Variants in NXPE2 observed in about 807,000 individuals in gnomAD.
NXPE2 encodes the protein neurexophilin and PC-esterase domain family member 2.
In NXPE2, 34 loss-of-function variants were observed where a neutral mutation model predicts 34.4. That is an observed-to-expected ratio of 0.99 (90% CI 0.75 to 1.31). The LOEUF (loss-of-function observed/expected upper bound fraction) is 1.31, where lower values mean the gene tolerates loss of function less well. Ranked by LOEUF, NXPE2 falls within the 40% of genes most tolerant of loss-of-function variation. The probability of loss-of-function intolerance (pLI) is 0.00; values close to 1 mark genes in which losing one functional copy is unlikely to be tolerated. For missense variants in NXPE2, 649 were observed against 672.5 expected (o/e 0.97, Z 0.39); for synonymous variants, 235 against 231.3 (o/e 1.02, Z -0.15).
At chr11:114,476,724 A>G in the NXPE2 span, among the ~76,000 whole-genome samples, 1 of 152,142 alleles carries the variant, frequency 6.6e-6, no homozygotes, top group Admixed American at 6.6e-5. Flanking sequence ...TGAGAACAGC[A>G]TGGAGGAAAC....
the NXPE2 span, among the ~76,000 whole-genome samples, chr11:114,661,995 G>A: frequency 6.6e-6 from 1 of 152,064 alleles, no homozygotes; most frequent in East Asian, 1.9e-4. Flanking sequence ...CAGAATAGAA[G>A]GCTCCACCAA....
At chr11:114,716,590 T>A in the NXPE2 span, among the ~76,000 whole-genome samples, 1 of 152,104 alleles carries the variant, frequency 6.6e-6, no homozygotes, top group African/African-American at 2.4e-5. Context: ...GGTCAGTGTA[T>A]ATGGAGAGGG....
the NXPE2 span, among the ~76,000 whole-genome samples, chr11:114,799,880 TCTTC>T: frequency 6.6e-6 from 1 of 151,640 alleles, no homozygotes; most frequent in Non-Finnish European, 1.5e-5. Context: ...TCCCTCCCTT[TCTTC>T]CTTTTCTCTT....
At chr11:114,502,774 T>A in the NXPE2 span, among the ~76,000 whole-genome samples, 1 of 152,232 alleles carries the variant, frequency 6.6e-6, no homozygotes. Flanking sequence ...TAGATTGTGA[T>A]CTTATGATTG....
intron 3 of NXPE2, among the ~76,000 whole-genome samples, chr11:114,702,019 C>A (rs1295404605): frequency 6.6e-6 from 1 of 152,122 alleles, no homozygotes; most frequent in Non-Finnish European, 1.5e-5. Context: ...CACCTGGGTT[C>A]TCTCCCTCAA....
the NXPE2 span, among the ~76,000 whole-genome samples, chr11:114,533,781 G>A: frequency 8.5e-5 from 13 of 152,218 alleles, no homozygotes; most frequent in African/African-American, 2.7e-4. Flanking sequence ...TAAACAAAGC[G>A]GCCGGGAAGC....
the NXPE2 span, among the ~76,000 whole-genome samples, chr11:114,517,036 A>G: frequency 6.6e-6 from 1 of 152,188 alleles, no homozygotes; most frequent in East Asian, 1.9e-4. Context: ...TGTCCTGTTC[A>G]GCGCTGTGTC....
At chr11:114,801,614 TAAAAGCAAGGAG>T in the NXPE2 span, among the ~76,000 whole-genome samples, 2,202 of 152,134 alleles carry the variant, frequency 0.014, 45 homozygotes, top group African/African-American at 0.05. Context: ...TTGTCAAGAG[TAAAAGCAAGGAG>T]ACCAGTTAGG....
chr11:114,741,558 TCA>T, the NXPE2 span, among the ~76,000 whole-genome samples: 1 of 152,202 alleles, frequency 6.6e-6, no homozygotes, highest in African/African-American at 2.4e-5. Context: ...GTCTTCAAAT[TCA>T]CAGATTCTTT....
At chr11:114,598,163 C>T in the NXPE2 span, among the ~76,000 whole-genome samples, 2 of 152,160 alleles carry the variant, frequency 1.3e-5, no homozygotes, top group African/African-American at 2.4e-5. Context: ...AAGTTCAAAA[C>T]TCAGAAGAGC....
the NXPE2 span, among the ~76,000 whole-genome samples, chr11:114,791,832 G>A: frequency 1.1e-4 from 16 of 152,214 alleles, no homozygotes; most frequent in South Asian, 2.1e-4. Context: ...CGAGGCGGGC[G>A]GATCACGAGG....
chr11:114,751,853 G>T, the NXPE2 span, among the ~76,000 whole-genome samples: 1 of 152,144 alleles, frequency 6.6e-6, no homozygotes, highest in East Asian at 1.9e-4. Context: ...ATGGCAGGGG[G>T]GTTAGAGTCA....
At chr11:114,641,559 A>G in the NXPE2 span, among the ~76,000 whole-genome samples, 1 of 152,130 alleles carries the variant, frequency 6.6e-6, no homozygotes, top group African/African-American at 2.4e-5. Flanking sequence ...AATAGCAGTG[A>G]AAATTAAGAC....
chr11:114,574,725 T>A, the NXPE2 span, among the ~76,000 whole-genome samples: 1 of 151,604 alleles, frequency 6.6e-6, no homozygotes, highest in Admixed American at 6.6e-5. Context: ...ACACAAAAAG[T>A]TCAGGATAGA....
the NXPE2 span, among the ~76,000 whole-genome samples, chr11:114,779,521 G>A: frequency 2.0e-5 from 3 of 152,128 alleles, no homozygotes; most frequent in Non-Finnish European, 4.4e-5. Flanking sequence ...ATCCCCGGGT[G>A]CCAGCTCAGC....
At chr11:114,590,737 G>A in the NXPE2 span, among the ~76,000 whole-genome samples, 2 of 152,224 alleles carry the variant, frequency 1.3e-5, no homozygotes, top group African/African-American at 4.8e-5. Context: ...TGCAGGTAAA[G>A]GATGGCCAGC....
chr11:114,695,189 G>A (rs1951226906), intron 2 of NXPE2, among the ~76,000 whole-genome samples: 1 of 152,086 alleles, frequency 6.6e-6, no homozygotes, highest in Non-Finnish European at 1.5e-5. Flanking sequence ...TCATCCTTGG[G>A]TGTTTCTAGG....
At chr11:114,524,877 T>C in the NXPE2 span, among the ~76,000 whole-genome samples, 1 of 152,216 alleles carries the variant, frequency 6.6e-6, no homozygotes, top group Non-Finnish European at 1.5e-5. Flanking sequence ...TGGGTAATAA[T>C]ATCAGGATTC....
chr11:114,650,206 C>T, the NXPE2 span, among the ~76,000 whole-genome samples: 2 of 152,224 alleles, frequency 1.3e-5, no homozygotes, highest in South Asian at 2.1e-4. Flanking sequence ...AATACACAAA[C>T]GATTTCATCT....
Sources: allele counts gnomAD v4.1 joint callset (sites outside exome capture counted in the v4.1 genomes callset), GRCh38; gene constraint gnomAD v4.1.1; transcripts MANE v1.5; gene names NCBI Gene and HGNC (gene_info 2026-07-23, HGNC 2026-07-21).